Variants in U2SURP observed in about 807,000 individuals in gnomAD.
U2SURP encodes U2 snRNP associated SURP domain containing, also known as U2 snRNP-associated SURP motif-containing protein.
A neutral mutation model predicts 144.9 loss-of-function variants in U2SURP; 9 were observed. The observed-to-expected ratio is 0.06, with a 90% CI of 0.04 to 0.11. The LOEUF (loss-of-function observed/expected upper bound fraction) is 0.11, where lower values mean the gene tolerates loss of function less well. U2SURP is among the 10% of genes least tolerant of loss of function. U2SURP has a pLI of 1.00. For missense variants in U2SURP, 724 were observed against 1,226.7 expected (o/e 0.59, Z 6.12); for synonymous variants, 408 against 396.8 (o/e 1.03, Z -0.33).
At chr3:143,047,151 G>C (rs1171012849) in intron 24 of U2SURP, among the ~76,000 whole-genome samples, 2 of 97,966 alleles carry the variant, frequency 2.0e-5, no homozygotes, top group Admixed American at 8.8e-5. Flanking sequence ...CCTCCCGGAC[G>C]GGGCGGCTGG....
rs537990897 is a variant in U2SURP at position 143,037,079 on chromosome 3, A to G, written c.2065-100A>G. ...TTACATTGTACCTCAGATTGTGGGT[A>G]TCCAGTTATGTTGGCTTGTACTGGA... is the stretch of plus-strand genomic sequence containing the variant. On this transcript the variant is annotated intron_variant, in intron 20 of 27. Coordinates refer to ENST00000473835, the MANE Select transcript of U2SURP (RefSeq NM_001080415.2). 1.0e-4 allele frequency: 117 copies of G among 1,126,578 alleles called. 1 individual carries two copies. The East Asian group carries it at 1.2e-3, about 12-fold the overall frequency. The allele number at this position is 1,126,578 out of a possible 1,614,324, so 69.8% of individuals were successfully genotyped here.
Position 143,043,131 on chromosome 3 carries a change from G to C in U2SURP, c.2399G>C (p.Ser800Thr). 6.2e-7 allele frequency: 1 copy of C among 1,603,602 alleles called. No individual in the cohort carries two copies. Among genetic ancestry groups the C allele is most frequent in the Non-Finnish European group, 8.5e-7 (1 of 1,175,400 alleles). Residue 800 changes from serine to threonine, a missense_variant, in exon 24 of 28, where the codon AGT becomes ACT. By Grantham distance (58) the Ser-to-Thr change is moderately conservative. Coordinates refer to ENST00000473835, the MANE Select transcript of U2SURP (RefSeq NM_001080415.2). Reference protein sequence around the residue: ...EEENQNQEEESEDEEDTQSSK... With the variant: ...EEENQNQEEETEDEEDTQSSK... ...TGTTTCTAAAGTCAAGAAGAAGAAA[G>C]TGAAGATGAAGAAGATACTCAAAGT...
At chr3:143,030,557 A>C (rs1035510561) in intron 16 of U2SURP, among the ~76,000 whole-genome samples, 1 of 152,216 alleles carries the variant, frequency 6.6e-6, no homozygotes, top group Non-Finnish European at 1.5e-5. Flanking sequence ...CAAAGAGATT[A>C]AGTTGTTTTC....
At position 143,054,966 on chromosome 3, in the gene U2SURP, C is replaced by G. The variant is rs748707167; in HGVS notation, c.2798C>G (p.Pro933Arg). 3 of 1,608,834 alleles carry G rather than the reference C, an allele frequency of 1.9e-6. No individual in the cohort carries two copies. ...AGGAAGAGGCGACACAGTACATCCC[C>G]CAGCCCATCTCGCAGTAGCAGTGGT... ...KERKRRHSTS[P>R]SPSRSSSGRR... Residue 933 changes from proline to arginine, a missense_variant, in exon 27 of 28, where the codon CCC (proline) becomes CGC (arginine). This residue lies in a region of U2SURP where 129 missense variants were observed against 196.1 expected (regional missense o/e 0.66). Coordinates refer to ENST00000473835, the MANE Select transcript of U2SURP (RefSeq NM_001080415.2).
rs541788057 is a variant in U2SURP at position 143,030,159 on chromosome 3, G to A, written c.1610+1513G>A. Among the ~76,000 whole-genome samples the A allele has an allele frequency of 2.6e-5, 4 of 152,350 alleles. No homozygotes were observed. In the East Asian group the frequency reaches 7.7e-4, roughly 29 times the overall value. ...GTGGCTACACTAAATCACATTGTCAGTGTAGACAAAGCAGCCTTTTATTGT... is the reference window on the plus strand; with the variant it reads ...GTGGCTACACTAAATCACATTGTCAATGTAGACAAAGCAGCCTTTTATTGT... On this transcript the variant is annotated intron_variant, in intron 16 of 27. Transcript: ENST00000473835.
At chr3:143,014,499 T>C in intron 4 of U2SURP, 90 bp downstream of exon 4, 1 of 821,096 alleles carries the variant, frequency 1.2e-6, no homozygotes, top group Non-Finnish European at 1.8e-6. Context: ...TCCCGAAGAT[T>C]CTTAACCTCT....
At position 143,010,947 on chromosome 3, in the gene U2SURP, A is replaced by C; in HGVS notation, c.90+88A>C. The C allele has an allele frequency of 4.1e-6, 4 of 983,446 alleles. No individual in the cohort carries two copies. In the South Asian group the frequency reaches 5.1e-5, roughly 13 times the overall value. 60.9% of individuals were successfully genotyped at this position (983,446 alleles called of 1,614,324 possible). A position where few individuals can be genotyped will look rare whatever the true frequency, so the allele number is the denominator to read the frequency against. ...CCCTACATCAATGATTTTACTTGAC[A>C]AATAAATACAATTGTATGTGCTTTT... On this transcript the variant is annotated intron_variant, in intron 2 of 27. Coordinates refer to ENST00000473835, the MANE Select transcript of U2SURP (RefSeq NM_001080415.2).
At position 143,028,355 on chromosome 3, in the gene U2SURP, C is replaced by A; in HGVS notation, c.1395C>A (p.Asn465Lys). The change falls in exon 15 of 28, where the codon AAC (asparagine) becomes AAA (lysine). Residue 465 changes from asparagine to lysine, a missense_variant. Physicochemically the swap from Asn to Lys is moderately conservative, Grantham distance 94. Coordinates refer to ENST00000473835, the MANE Select transcript of U2SURP (RefSeq NM_001080415.2). ...NNPMFRFLFE[N>K]QTPAHVYYRW... Reference sequence around the variant, plus strand: ...TTTTGTGTAGGTTCTTATTTGAAAACCAGACACCAGCCCATGTTTACTATA... The same window carrying A: ...TTTTGTGTAGGTTCTTATTTGAAAAACAGACACCAGCCCATGTTTACTATA... 1 of 1,612,184 alleles carries A rather than the reference C, an allele frequency of 6.2e-7. No homozygotes were observed. Among genetic ancestry groups the A allele is most frequent in the Non-Finnish European group, 8.5e-7 (1 of 1,179,070 alleles).
chr3:143,024,070 C>A (rs940651728), intron 13 of U2SURP, 52 bp downstream of exon 13: 2 of 1,504,716 alleles, frequency 1.3e-6, no homozygotes, highest in African/African-American at 2.8e-5. Flanking sequence ...ATATCCCCTT[C>A]TGAATTTAAA....
At chr3:143,053,336 T>C (rs1471104501) in intron 25 of U2SURP, among the ~76,000 whole-genome samples, 1 of 152,172 alleles carries the variant, frequency 6.6e-6, no homozygotes, top group Non-Finnish European at 1.5e-5. Context: ...TTTCTGAGTC[T>C]CAATTTTCAT....
rs533461468 is a variant in U2SURP at position 143,004,489 on chromosome 3, G to A, written c.45+2816G>A. Among the ~76,000 whole-genome samples the A allele has an allele frequency of 3.1e-3, 443 of 144,220 alleles. 3 individuals carry two copies. The highest frequency in any genetic ancestry group is 0.011 in the African/African-American group (409 of 38,904). The allele number at this position is 144,220 out of a possible 152,430, so 94.6% of individuals were successfully genotyped here. Reference sequence around the variant, plus strand: ...AGCAATTCTTCTGCCTCAGCCTCCCGAGTAGCTGGGACTACAGGCGCCTGG... The same window carrying A: ...AGCAATTCTTCTGCCTCAGCCTCCCAAGTAGCTGGGACTACAGGCGCCTGG... On this transcript the variant is annotated intron_variant, in intron 1 of 27. Coordinates refer to ENST00000473835, the MANE Select transcript of U2SURP (RefSeq NM_001080415.2).
chr3:143,041,619 G>C (rs1410492626), intron 23 of U2SURP, among the ~76,000 whole-genome samples: 1 of 151,552 alleles, frequency 6.6e-6, no homozygotes, highest in East Asian at 1.9e-4. Context: ...TTATCTGCCT[G>C]GTGTAAATTT....
intron 20 of U2SURP, among the ~76,000 whole-genome samples, chr3:143,036,559 AG>A (rs1933820737): frequency 6.6e-6 from 1 of 152,104 alleles, no homozygotes; most frequent in Non-Finnish European, 1.5e-5. Flanking sequence ...CTGCCATGCT[AG>A]TCAAGCTATT....
At chr3:143,044,271 T>C (rs1213425131) in intron 24 of U2SURP, among the ~76,000 whole-genome samples, 2 of 132,556 alleles carry the variant, frequency 1.5e-5, no homozygotes, top group Non-Finnish European at 3.2e-5. Flanking sequence ...CCCTTTCCCT[T>C]TTCCCCTCTC....
At chr3:143,037,850 T>C (rs907747264) in intron 21 of U2SURP, among the ~76,000 whole-genome samples, 2 of 152,138 alleles carry the variant, frequency 1.3e-5, no homozygotes, top group African/African-American at 4.8e-5. Context: ...TATTAAAGAT[T>C]TGTTTTACTT....
intron 24 of U2SURP, among the ~76,000 whole-genome samples, chr3:143,044,575 A>T (rs1159345985): frequency 6.6e-6 from 1 of 152,100 alleles, no homozygotes; most frequent in African/African-American, 2.4e-5. Flanking sequence ...AGGGCTTTGT[A>T]ATGCCCTCAA....
intron 5 of U2SURP, 92 bp from the exon 6 acceptor site, chr3:143,016,750 A>C (rs889139445): frequency 2.9e-5 from 34 of 1,155,602 alleles, no homozygotes; most frequent in Non-Finnish European, 4.0e-5. Flanking sequence ...TTAATACTAA[A>C]AGCATTTTAC....
At chr3:143,035,819 T>G (rs527867890) in intron 19 of U2SURP, among the ~76,000 whole-genome samples, 163 bp from the exon 20 acceptor site, 1 of 152,246 alleles carries the variant, frequency 6.6e-6, no homozygotes, top group South Asian at 2.1e-4. Flanking sequence ...GACATTGATT[T>G]TTTTAAAAAA....
chr3:143,044,306 T>TTTTTTTA (rs1934291403), intron 24 of U2SURP, among the ~76,000 whole-genome samples: 1 of 132,714 alleles, frequency 7.5e-6, no homozygotes, highest in African/African-American at 2.7e-5. Flanking sequence ...TTTTTTTTTT[T>TTTTTTTA]GAGACGGGGT....
Sources: allele counts gnomAD v4.1 joint callset (sites outside exome capture counted in the v4.1 genomes callset), GRCh38; gene constraint gnomAD v4.1.1; regional missense constraint gnomAD v4.1.1; transcripts MANE v1.5; gene names NCBI Gene and HGNC (gene_info 2026-07-23, HGNC 2026-07-21).